Variants in ABCA13 observed in about 807,000 individuals in gnomAD.
ABCA13 encodes the protein ATP binding cassette subfamily A member 13, also known as ATP-binding cassette sub-family A member 13.
In ABCA13, 476 loss-of-function variants were observed where a neutral mutation model predicts 478.7. The ratio of observed to expected loss-of-function variants is 0.99; its 90% CI spans 0.92 to 1.07. The LOEUF (loss-of-function observed/expected upper bound fraction) is 1.07, where lower values mean the gene tolerates loss of function less well. ABCA13 is among the 50% of genes least tolerant of loss of function. The pLI, the probability that ABCA13 is intolerant of heterozygous loss-of-function variation, is 0.00. For missense variants in ABCA13, 6,060 were observed against 5,910.6 expected, an observed-to-expected ratio of 1.03 and a Z score of -0.83; for synonymous variants, 2,252 against 2,158.9, an observed-to-expected ratio of 1.04 and a Z score of -1.20.
At chr7:48,479,189 A>T (rs1348598417) in intron 45 of ABCA13, among the ~76,000 whole-genome samples, 3 of 151,358 alleles carry the variant, frequency 2.0e-5, no homozygotes, top group African/African-American at 7.3e-5. Context: ...TGACCTCGTG[A>T]TCTGCCCGCC....
At chr7:48,297,180 G>C in intron 21 of ABCA13, 52 bp from the exon 22 acceptor site, 1 of 1,427,334 alleles carries the variant, frequency 7.0e-7, no homozygotes. Context: ...TTCCAACACT[G>C]TTTCTGATGT....
chr7:48,603,191 T>C (rs1210545958), intron 58 of ABCA13, among the ~76,000 whole-genome samples: 2 of 152,194 alleles, frequency 1.3e-5, no homozygotes, highest in Non-Finnish European at 2.9e-5. Flanking sequence ...GCAATTTGAC[T>C]TCCTCTTTTC....
intron 29 of ABCA13, among the ~76,000 whole-genome samples, chr7:48,345,962 T>C (rs148067452): frequency 0.015 from 2,352 of 152,320 alleles, 22 homozygotes; most frequent in Non-Finnish European, 0.023. Context: ...TGTTTAGATA[T>C]GTTTAGATAA....
intron 55 of ABCA13, among the ~76,000 whole-genome samples, chr7:48,547,204 A>T (rs1170423679): frequency 6.6e-6 from 1 of 151,868 alleles, no homozygotes; most frequent in Non-Finnish European, 1.5e-5. Flanking sequence ...TTAAATTTAC[A>T]TCATCATATC....
chr7:48,535,699 T>A (rs1046973481), intron 55 of ABCA13, among the ~76,000 whole-genome samples: 4 of 151,446 alleles, frequency 2.6e-5, no homozygotes, highest in African/African-American at 9.7e-5. Context: ...GCAGTGGGGG[T>A]GGGTGTGTGG....
At chr7:48,239,206 C>A (rs764902783) in intron 8 of ABCA13, 35 bp from the exon 9 acceptor site, 14 of 1,609,386 alleles carry the variant, frequency 8.7e-6, no homozygotes, top group Admixed American at 3.3e-5. Context: ...AGGAAAGGAG[C>A]TTTATGTCTA....
chr7:48,398,307 A>G lies in ABCA13; in HGVS notation c.11874-5376A>G, dbSNP rs540511912. ...CACCTAACAATGCTACATTTGCTTC[A>G]TCTTTTTTTGGGTGCCAGGCAACCT... On this transcript the variant is annotated intron_variant, in intron 38 of 61. Transcript: ENST00000435803. 1.3e-4 allele frequency among the ~76,000 whole-genome samples: 20 copies of G among 152,318 alleles called. No individual in the cohort carries two copies. In the East Asian group the frequency reaches 3.1e-3, roughly 24 times the overall value.
At chr7:48,204,291 C>T (rs1229634757) in intron 3 of ABCA13, among the ~76,000 whole-genome samples, 1 of 151,644 alleles carries the variant, frequency 6.6e-6, no homozygotes, top group East Asian at 1.9e-4. Context: ...CTCACTGCAA[C>T]CTCCGCCTCC....
rs555461753 is a variant in ABCA13 at position 48,280,040 on chromosome 7, C to T, written c.8726+120C>T. 1.4e-4 allele frequency: 153 copies of T among 1,121,450 alleles called. No individual in the cohort carries two copies. The African/African-American group carries it at 2.2e-3, about 16-fold the overall frequency. The allele number at this position is 1,121,450 out of a possible 1,614,324, so 69.5% of individuals were successfully genotyped here. ...TTCTTCTTGACTTCAACTTTGTTTA[C>T]ACTCTGAAGTTGGCTTCAACATAGA... On this transcript the variant is annotated intron_variant, in intron 18 of 61. Transcript: ENST00000435803.
intron 3 of ABCA13, among the ~76,000 whole-genome samples, chr7:48,215,748 C>T (rs1193406959): frequency 1.3e-5 from 2 of 152,196 alleles, no homozygotes; most frequent in Admixed American, 1.3e-4. Context: ...ATACACTTCT[C>T]ATTTCCTCCC....
intron 1 of ABCA13, among the ~76,000 whole-genome samples, chr7:48,192,045 T>A (rs865952034): frequency 6.6e-6 from 1 of 152,232 alleles, no homozygotes; most frequent in Non-Finnish European, 1.5e-5. Flanking sequence ...GGCTATAAAC[T>A]TTTGTATTTG....
chr7:48,272,514 C>G lies in ABCA13; in HGVS notation c.2848C>G (p.Leu950Val). 6.2e-7 allele frequency: 1 copy of G among 1,613,726 alleles called. No individual in the cohort carries two copies. Among genetic ancestry groups the G allele is most frequent in the Non-Finnish European group, 8.5e-7 (1 of 1,179,742 alleles). The part of the protein sequence containing the change: ...EVDKILTHIH[L>V]NVFQDKDSAL... ...TGATAAAATTTTGACTCACATACAC[C>G]TAAATGTCTTCCAGGACAAGGATTC... The change falls in exon 17 of 62, where the codon CTA becomes GTA. Residue 950 changes from leucine (L) to valine (V), a missense_variant. Transcript: ENST00000435803.
At chr7:48,638,149 G>A (rs17132521) in intron 59 of ABCA13, among the ~76,000 whole-genome samples, 3,250 of 152,280 alleles carry the variant, frequency 0.021, 117 homozygotes, top group African/African-American at 0.074. Context: ...GAAGGCACTC[G>A]TTACATCATG....
intron 47 of ABCA13, among the ~76,000 whole-genome samples, 186 bp downstream of exon 47, chr7:48,483,349 C>T (rs915587139): frequency 6.6e-6 from 1 of 151,910 alleles, no homozygotes; most frequent in African/African-American, 2.4e-5. Flanking sequence ...CTTTAGAAAT[C>T]GAGGAAATAG....
At chr7:48,588,195 A>G (rs1469648939) in intron 57 of ABCA13, among the ~76,000 whole-genome samples, 2 of 152,232 alleles carry the variant, frequency 1.3e-5, no homozygotes, top group African/African-American at 4.8e-5. Context: ...TTTAGGTACC[A>G]TAAATTTGCT....
At chr7:48,518,077 A>G (rs1780908887) in intron 52 of ABCA13, among the ~76,000 whole-genome samples, 1 of 152,214 alleles carries the variant, frequency 6.6e-6, no homozygotes, top group South Asian at 2.1e-4. Flanking sequence ...AGTGATGGTA[A>G]TAATCTATTT....
chr7:48,219,003 T>C (rs1786915233), intron 3 of ABCA13, among the ~76,000 whole-genome samples: 1 of 152,206 alleles, frequency 6.6e-6, no homozygotes, highest in African/African-American at 2.4e-5. Context: ...ACAGATCATA[T>C]CATGTCCGTA....
intron 29 of ABCA13, 75 bp from the exon 30 acceptor site, chr7:48,350,568 A>G (rs1203066882): frequency 3.6e-6 from 5 of 1,391,492 alleles, no homozygotes; most frequent in Non-Finnish European, 4.8e-6. Flanking sequence ...CCATTTGCAC[A>G]ATCTCCACTA....
At position 48,389,025 on chromosome 7, in the gene ABCA13, T is replaced by A; in HGVS notation, c.11474-15T>A. 1 of 1,605,608 alleles carries A rather than the reference T, an allele frequency of 6.2e-7. No individual in the cohort carries two copies. Among genetic ancestry groups the A allele is most frequent in the South Asian group, 1.1e-5 (1 of 88,800 alleles). On this transcript the variant is annotated splice_polypyrimidine_tract_variant and intron_variant, in intron 36 of 61. Transcript: ENST00000435803. Reference sequence around the variant, plus strand: ...TTTGAAGTCTTTTCACAATGAATTTTCATCTCTCTCACAGGGTCATCACTG... The same window carrying A: ...TTTGAAGTCTTTTCACAATGAATTTACATCTCTCTCACAGGGTCATCACTG...
Sources: gnomAD v4.1 joint callset for allele counts (sites outside exome capture counted in the v4.1 genomes callset) on GRCh38, gnomAD v4.1.1 for gene constraint, MANE v1.5 for transcripts, NCBI Gene and HGNC (gene_info 2026-07-23, HGNC 2026-07-21) for gene names.